Variants in MYOM3 observed in about 807,000 individuals in gnomAD.
MYOM3 encodes the protein myomesin-3.
In MYOM3, 155 loss-of-function variants were observed where a neutral mutation model predicts 191.7. The observed-to-expected ratio is 0.81, with a 90% CI of 0.71 to 0.92. The LOEUF (loss-of-function observed/expected upper bound fraction) is 0.92, where lower values mean the gene tolerates loss of function less well. Among genes scored for constraint, MYOM3 ranks in the 40% least tolerant of loss-of-function variants. The pLI is 0.00. For missense variants in MYOM3, 1,889 were observed against 1,890.6 expected (o/e 1.00, Z 0.02); for synonymous variants, 757 against 762.9 (o/e 0.99, Z 0.13).
chr1:24,084,536 G>A lies in MYOM3; in HGVS notation c.1902C>T (p.Tyr634=), dbSNP rs1643712366. 1.9e-6 allele frequency: 3 copies of A among 1,614,204 alleles called. No individual in the cohort carries two copies. In the East Asian group the frequency reaches 6.7e-5, roughly 36 times the overall value. The stretch of plus-strand genomic sequence containing the variant: ...ATGTCCCCACCTTCCGGGAGTAGAT[G>A]TAATAACCCAGGAGCTCTGGGTCTT... The part of the protein sequence containing the change: ...PVKDPELLGY[Y]IYSRKVGTSE... The change falls in exon 16 of 37, where the codon TAC becomes TAT. Residue 634 remains tyrosine, a synonymous_variant. Coordinates refer to ENST00000374434, the MANE Select transcript of MYOM3 (RefSeq NM_152372.4).
chr1:24,072,075 G>A (rs1643538582), intron 23 of MYOM3, 62 bp from the exon 24 acceptor site: 3 of 1,545,206 alleles, frequency 1.9e-6, no homozygotes, highest in South Asian at 1.1e-5. Context: ...CGGGGGTGGG[G>A]GGCCCACAGG....
In MYOM3 at chr1:24,090,132, G is replaced by A. The variant is rs753502019; in HGVS notation, c.1433-14C>T. The A allele has an allele frequency of 1.2e-6, 2 of 1,610,562 alleles. No homozygotes were observed. ...CAAAGGGGATCTCTAGGATGAGAAGGGAGCATGGGAGGGTGGGGGGTGGCA... is the reference window on the plus strand; with the variant it reads ...CAAAGGGGATCTCTAGGATGAGAAGAGAGCATGGGAGGGTGGGGGGTGGCA... On this transcript the variant is annotated splice_polypyrimidine_tract_variant and intron_variant, in intron 12 of 36. Transcript: ENST00000374434.
chr1:24,066,385 T>C (rs369122569), intron 28 of MYOM3: 44 of 622,576 alleles, frequency 7.1e-5, no homozygotes, highest in African/African-American at 7.0e-4. Flanking sequence ...GACCACTTCA[T>C]CATCTTTGTA....
intron 21 of MYOM3, among the ~76,000 whole-genome samples, chr1:24,075,755 T>G (rs1643590013): frequency 6.6e-6 from 1 of 152,216 alleles, no homozygotes; most frequent in East Asian, 1.9e-4. Context: ...GCTTTCCTCA[T>G]GCAATAGTTT....
Position 24,089,566 on chromosome 1 carries a change from C to T in MYOM3, c.1586G>A (p.Arg529Lys), listed in dbSNP as rs1455648629. The T allele has an allele frequency of 1.2e-6, 2 of 1,601,514 alleles. No individual in the cohort carries two copies. Among genetic ancestry groups the T allele is most frequent in the Non-Finnish European group, 1.7e-6 (2 of 1,174,308 alleles). The change falls in exon 14 of 37, where the codon AGA (arginine) becomes AAA (lysine). Residue 529 changes from arginine to lysine, a missense_variant. Coordinates refer to ENST00000374434, the MANE Select transcript of MYOM3 (RefSeq NM_152372.4). ...LAWEEPSPRD[R>K]APLTYSLEKS... ...CTCCAGGGAGTACGTCAGTGGTGCTCTGTCCCGGGGGCTGGGCTCCTCCCA... is the reference window on the plus strand; with the variant it reads ...CTCCAGGGAGTACGTCAGTGGTGCTTTGTCCCGGGGGCTGGGCTCCTCCCA...
rs769572693 is a variant in MYOM3, at chr1:24,082,111, T to G, written c.2170A>C (p.Lys724Gln). Reference sequence around the variant, plus strand: ...AGGATCTTGCCACCTCCACGACGCTTGGGGGGTTTCCACCCAATGACCATT... The same window carrying G: ...AGGATCTTGCCACCTCCACGACGCTGGGGGGGTTTCCACCCAATGACCATT... ...NEMVIGWKPPKRRGGGKILGY... is the reference protein window; with the variant it reads ...NEMVIGWKPPQRRGGGKILGY... Residue 724 changes from lysine (K) to glutamine (Q), a missense_variant, in exon 18 of 37, where the codon AAG becomes CAG. Physicochemically the swap from Lys to Gln is moderately conservative, Grantham distance 53. Coordinates refer to ENST00000374434, the MANE Select transcript of MYOM3 (RefSeq NM_152372.4). 3.1e-6 allele frequency: 5 copies of G among 1,613,632 alleles called. No homozygotes were observed. In the South Asian group the frequency reaches 4.4e-5, roughly 14 times the overall value.
At chr1:24,061,182 C>T (rs905556765) in intron 34 of MYOM3, 91 bp downstream of exon 34, 14 of 1,602,690 alleles carry the variant, frequency 8.7e-6, no homozygotes, top group Non-Finnish European at 1.2e-5. Flanking sequence ...GTGGAGCTGG[C>T]TGGGGCTCCC....
intron 10 of MYOM3, 99 bp from the exon 11 acceptor site, chr1:24,092,414 C>T: frequency 2.7e-6 from 3 of 1,102,382 alleles, no homozygotes; most frequent in Non-Finnish European, 3.5e-6. Flanking sequence ...ATCCATCCTC[C>T]AGGGGCTCAG....
At chr1:24,095,378 TG>T in intron 8 of MYOM3, 63 bp downstream of exon 8, 1 of 1,483,840 alleles carries the variant, frequency 6.7e-7, no homozygotes. Flanking sequence ...ACAGGGACTG[TG>T]GGGGTCGGGG....
intron 14 of MYOM3, among the ~76,000 whole-genome samples, chr1:24,088,879 G>T (rs546830361): frequency 6.6e-6 from 1 of 152,048 alleles, no homozygotes; most frequent in South Asian, 2.1e-4. Flanking sequence ...CACAGGGCAG[G>T]TTCTCTATTC....
In MYOM3 at chr1:24,061,025, A is replaced by C. The variant is rs752485769; in HGVS notation, c.3994+35T>G. ...CTTCCAGGAAGTTTGCCCCAAATTC[A>C]GAAACAAAAACAACAGAAATATCGG... On this transcript the variant is annotated intron_variant, in intron 35 of 36. Coordinates refer to ENST00000374434, the MANE Select transcript of MYOM3 (RefSeq NM_152372.4). The C allele has an allele frequency of 3.1e-6, 5 of 1,613,764 alleles. No individual in the cohort carries two copies. In the Admixed American group the frequency reaches 6.7e-5, roughly 22 times the overall value.
intron 13 of MYOM3, 120 bp downstream of exon 13, chr1:24,089,945 C>G (rs1382338464): frequency 1.9e-6 from 2 of 1,029,996 alleles, no homozygotes; most frequent in East Asian, 2.6e-5. Flanking sequence ...TCCAACTAGG[C>G]CCCACCTGCC....
intron 19 of MYOM3, among the ~76,000 whole-genome samples, chr1:24,080,974 T>C (rs1411038664): frequency 6.6e-6 from 1 of 152,130 alleles, no homozygotes; most frequent in Non-Finnish European, 1.5e-5. Flanking sequence ...GGATTTTCAG[T>C]AGGAAACTGA....
chr1:24,068,333 A>G lies in MYOM3; in HGVS notation c.3185T>C (p.Leu1062Pro). ...CAAGTTCTGGATGATCACTTCCACC[A>G]GGCCCTTCTCTCGGTCAAAATTGAT... is the stretch of plus-strand genomic sequence containing the variant. ...RKINFDREKGLVEVIIQNLSE... is the reference protein window; with the variant it reads ...RKINFDREKGPVEVIIQNLSE... Residue 1062 changes from leucine to proline, a missense_variant, in exon 26 of 37, where the codon CTG becomes CCG. Transcript: ENST00000374434. The G allele has an allele frequency of 6.2e-7, 1 of 1,614,076 alleles. No individual in the cohort carries two copies. Among genetic ancestry groups the G allele is most frequent in the Non-Finnish European group, 8.5e-7 (1 of 1,179,960 alleles).
chr1:24,076,977 A>T (rs1201652533), intron 20 of MYOM3, among the ~76,000 whole-genome samples: 1 of 151,980 alleles, frequency 6.6e-6, no homozygotes, highest in Non-Finnish European at 1.5e-5. Context: ...ACCCACCACC[A>T]TGCCCGGCTG....
At chr1:24,074,443 G>A (rs1643572597) in intron 22 of MYOM3, among the ~76,000 whole-genome samples, 174 bp from the exon 23 acceptor site, 1 of 152,194 alleles carries the variant, frequency 6.6e-6, no homozygotes, top group South Asian at 2.1e-4. Context: ...GGTCCCCTCT[G>A]GCCTGACACC....
intron 9 of MYOM3, among the ~76,000 whole-genome samples, chr1:24,093,674 T>G (rs1466960232): frequency 6.6e-6 from 1 of 152,018 alleles, no homozygotes; most frequent in East Asian, 1.9e-4. Flanking sequence ...GGCCACACTG[T>G]GGGGCCAGCT....
chr1:24,060,758 G>C (rs929488911), intron 35 of MYOM3, among the ~76,000 whole-genome samples: 1 of 152,160 alleles, frequency 6.6e-6, no homozygotes, highest in Non-Finnish European at 1.5e-5. Flanking sequence ...CATCCCCACA[G>C]ATCACTCGGG....
intron 29 of MYOM3, among the ~76,000 whole-genome samples, chr1:24,064,733 C>T (rs1643413712): frequency 6.6e-6 from 1 of 152,226 alleles, no homozygotes; most frequent in Admixed American, 6.5e-5. Flanking sequence ...TTACACAGCA[C>T]CTTCCTTCAG....
Sources: gnomAD v4.1 joint callset for allele counts (sites outside exome capture counted in the v4.1 genomes callset) on GRCh38, gnomAD v4.1.1 for gene constraint, MANE v1.5 for transcripts, NCBI Gene and HGNC (gene_info 2026-07-23, HGNC 2026-07-21) for gene names.